GRM7: variants seen among roughly 807,000 people sequenced by gnomAD.
The protein encoded by GRM7 is metabotropic glutamate receptor 7.
GRM7 carries 35 observed loss-of-function variants against 84.5 expected under a neutral mutation model. That is an observed-to-expected ratio of 0.41 (90% CI 0.32 to 0.55). The LOEUF (loss-of-function observed/expected upper bound fraction) is 0.55. GRM7 is among the 20% of genes least tolerant of loss of function. The pLI is 0.19. For missense variants in GRM7, 1,003 were observed against 1,194.6 expected, an observed-to-expected ratio of 0.84 and a Z score of 2.36; for synonymous variants, 487 against 455.1, an observed-to-expected ratio of 1.07 and a Z score of -0.89.
chr3:7,578,512 C>A lies in GRM7; in HGVS notation c.1606C>A (p.Gln536Lys), dbSNP rs1193565483. Reference sequence around the variant, plus strand: ...TAAGCCAGGACAGAGAAAGAAGACACAGAAAGGAACTCCTTGCTGTTGGAC... The same window carrying A: ...TAAGCCAGGACAGAGAAAGAAGACAAAGAAAGGAACTCCTTGCTGTTGGAC... ...PCKPGQRKKT[Q>K]KGTPCCWTCE... Residue 536 changes from glutamine to lysine, a missense_variant, in exon 8 of 10, where the codon CAG becomes AAG. Gln to Lys is a moderately conservative substitution (Grantham distance 53). Around this residue, in one of 2 missense-constraint regions of GRM7, gnomAD observed 910 missense variants for 1,126.0 expected, o/e 0.81. Coordinates refer to ENST00000357716, the MANE Select transcript of GRM7 (RefSeq NM_000844.4). The A allele has an allele frequency of 6.2e-7, 1 of 1,613,916 alleles. No homozygotes were observed. Among genetic ancestry groups the A allele is most frequent in the East Asian group, 2.2e-5 (1 of 44,868 alleles).
chr3:6,868,480 T>C (rs942092290), intron 1 of GRM7, among the ~76,000 whole-genome samples: 3 of 152,132 alleles, frequency 2.0e-5, no homozygotes, highest in Non-Finnish European at 4.4e-5. Flanking sequence ...AAATGAAAAA[T>C]GCTTGTTCTC....
intron 4 of GRM7, among the ~76,000 whole-genome samples, chr3:7,344,760 G>A (rs1378934817): frequency 6.6e-6 from 1 of 152,094 alleles, no homozygotes; most frequent in Admixed American, 6.6e-5. Flanking sequence ...GGATACTTGA[G>A]GCTCAGAAGG....
chr3:6,888,774 C>T (rs1481355264), intron 1 of GRM7, among the ~76,000 whole-genome samples: 3 of 152,126 alleles, frequency 2.0e-5, no homozygotes, highest in Non-Finnish European at 4.4e-5. Context: ...TGAAGAAAAT[C>T]ATTGGTAGCT....
intron 8 of GRM7, chr3:7,607,635 G>A (rs1696644639): frequency 6.6e-6 from 1 of 150,600 alleles, no homozygotes. Context: ...GTTGCACAGA[G>A]AAAATTGGCT....
intron 4 of GRM7, among the ~76,000 whole-genome samples, chr3:7,343,126 C>T (rs1692719959): frequency 1.3e-5 from 2 of 152,144 alleles, no homozygotes; most frequent in Admixed American, 6.6e-5. Context: ...GGATTCAACA[C>T]CCAGACGTAG....
intron 1 of GRM7, among the ~76,000 whole-genome samples, chr3:6,864,720 G>C (rs116241571): frequency 6.6e-6 from 1 of 152,138 alleles, no homozygotes; most frequent in African/African-American, 2.4e-5. Context: ...CTAGAAGAAG[G>C]AATACTTAGC....
At chr3:6,989,337 AT>A (rs1001077910) in intron 1 of GRM7, among the ~76,000 whole-genome samples, 2 of 152,336 alleles carry the variant, frequency 1.3e-5, no homozygotes, top group Non-Finnish European at 1.5e-5. Context: ...TAAAATCTGC[AT>A]TTTTTTAAAG....
chr3:7,573,180 T>G (rs1219785322), intron 7 of GRM7, among the ~76,000 whole-genome samples: 2 of 151,928 alleles, frequency 1.3e-5, no homozygotes, highest in Non-Finnish European at 2.9e-5. Flanking sequence ...AACATACCTA[T>G]GAATTCTTCC....
intron 2 of GRM7, among the ~76,000 whole-genome samples, chr3:7,273,126 A>T (rs750951512): frequency 6.6e-6 from 1 of 152,048 alleles, no homozygotes; most frequent in Non-Finnish European, 1.5e-5. Flanking sequence ...GAAGTGTGTT[A>T]TATGATATCC....
At chr3:6,898,051 T>C (rs967919234) in intron 1 of GRM7, among the ~76,000 whole-genome samples, 1 of 152,184 alleles carries the variant, frequency 6.6e-6, no homozygotes, top group Non-Finnish European at 1.5e-5. Flanking sequence ...GTGTTCTCCA[T>C]TGGTGAACCC....
intron 8 of GRM7, among the ~76,000 whole-genome samples, chr3:7,645,790 T>G (rs1227851965): frequency 1.3e-5 from 2 of 152,126 alleles, no homozygotes; most frequent in Non-Finnish European, 2.9e-5. Context: ...GCCTTTGCAT[T>G]TAGCCCCCAC....
intron 9 of GRM7, among the ~76,000 whole-genome samples, chr3:7,729,176 A>G (rs1236402807): frequency 6.6e-6 from 1 of 152,088 alleles, no homozygotes; most frequent in Non-Finnish European, 1.5e-5. Flanking sequence ...CAACATCAAT[A>G]CTTATGGCGT....
chr3:7,543,295 T>C (rs1251199724), intron 7 of GRM7, among the ~76,000 whole-genome samples: 1 of 152,196 alleles, frequency 6.6e-6, no homozygotes, highest in Non-Finnish European at 1.5e-5. Flanking sequence ...CAGTACCAAT[T>C]TGGCTCAGTA....
At chr3:7,037,638 A>G (rs542625828) in intron 1 of GRM7, among the ~76,000 whole-genome samples, 1 of 152,154 alleles carries the variant, frequency 6.6e-6, no homozygotes, top group South Asian at 2.1e-4. Flanking sequence ...TAAATATACC[A>G]TGTCTGACTG....
At chr3:7,057,656 T>G (rs1044688181) in intron 1 of GRM7, among the ~76,000 whole-genome samples, 2 of 151,984 alleles carry the variant, frequency 1.3e-5, no homozygotes, top group Non-Finnish European at 2.9e-5. Flanking sequence ...TTAGAATATC[T>G]TAATGTTTGA....
intron 8 of GRM7, among the ~76,000 whole-genome samples, chr3:7,587,711 A>G (rs1481254858): frequency 6.6e-6 from 1 of 152,174 alleles, no homozygotes; most frequent in Non-Finnish European, 1.5e-5. Context: ...TAAGACGTGA[A>G]ATTTTACCCT....
intron 9 of GRM7, among the ~76,000 whole-genome samples, chr3:7,692,204 A>G (rs985538347): frequency 6.6e-6 from 1 of 152,168 alleles, no homozygotes; most frequent in South Asian, 2.1e-4. Context: ...CAAAGCTGCT[A>G]TGGGACAGAT....
chr3:7,139,702 A>C (rs1258207230), intron 1 of GRM7, among the ~76,000 whole-genome samples: 2 of 152,040 alleles, frequency 1.3e-5, no homozygotes, highest in African/African-American at 2.4e-5. Context: ...AGATACTTTC[A>C]TAGGTGATGA....
chr3:7,050,911 A>G (rs773316103), intron 1 of GRM7, among the ~76,000 whole-genome samples: 11 of 151,974 alleles, frequency 7.2e-5, no homozygotes, highest in Non-Finnish European at 1.0e-4. Context: ...GTTGTCTTGA[A>G]ATCAGAAGTC....
Sources: gnomAD v4.1 joint callset for allele counts (sites outside exome capture counted in the v4.1 genomes callset) on GRCh38, gnomAD v4.1.1 for gene constraint, gnomAD v4.1.1 regional missense constraint, MANE v1.5 for transcripts, NCBI Gene and HGNC (gene_info 2026-07-23, HGNC 2026-07-21) for gene names.